Variants in ZSCAN30 observed in about 807,000 individuals in gnomAD.
ZSCAN30 encodes zinc finger and SCAN domain containing 30, also known as zinc finger and SCAN domain-containing protein 30.
In ZSCAN30, 37 loss-of-function variants were observed where a neutral mutation model predicts 44.3. The ratio of observed to expected loss-of-function variants is 0.84; its 90% CI spans 0.64 to 1.10. ZSCAN30 has a LOEUF of 1.10. Among genes scored for constraint, ZSCAN30 ranks in the 50% least tolerant of loss-of-function variants. The pLI is 0.00. For missense variants in ZSCAN30, 549 were observed against 582.6 expected (o/e 0.94, Z 0.59); for synonymous variants, 181 against 204.6 (o/e 0.88, Z 0.98).
At chr18:35,283,400 G>A (rs1009415096) in intron 1 of ZSCAN30, 2 of 152,294 alleles carry the variant, frequency 1.3e-5, no homozygotes, top group South Asian at 2.1e-4. Context: ...AGAAACCTCT[G>A]TGGCCAGTGG....
At chr18:35,274,926 T>A (rs987525543) in intron 1 of ZSCAN30, among the ~76,000 whole-genome samples, 8 of 152,222 alleles carry the variant, frequency 5.3e-5, no homozygotes, top group African/African-American at 1.9e-4. Flanking sequence ...GTTTTTAATT[T>A]TAATGTAGTC....
At chr18:35,255,753 T>G (rs558372186) in intron 3 of ZSCAN30, 1 of 154,494 alleles carries the variant, frequency 6.5e-6, no homozygotes, top group Admixed American at 6.5e-5. Flanking sequence ...TCCCCATTCC[T>G]TACCAGAAAT....
intron 1 of ZSCAN30, chr18:35,285,242 A>AAAAT (rs1423026072): frequency 1.3e-5 from 2 of 150,408 alleles, no homozygotes; most frequent in Non-Finnish European, 3.0e-5. Context: ...TGTGAGCTTC[A>AAAAT]AAATACATAA....
At chr18:35,267,957 G>A (rs897437262) in intron 1 of ZSCAN30, 1 of 152,250 alleles carries the variant, frequency 6.6e-6, no homozygotes, top group African/African-American at 2.4e-5. Flanking sequence ...GCCCACGAAT[G>A]CCGAGGACGC....
intron 1 of ZSCAN30, among the ~76,000 whole-genome samples, chr18:35,276,268 T>C (rs1334498799): frequency 1.3e-5 from 2 of 151,904 alleles, no homozygotes; most frequent in East Asian, 3.8e-4. Context: ...AGTGAAGCCC[T>C]TGGGGCCTGG....
chr18:35,257,133 C>A (rs1378192946), intron 3 of ZSCAN30: 1 of 152,248 alleles, frequency 6.6e-6, no homozygotes, highest in Non-Finnish European at 1.5e-5. Flanking sequence ...GGTGGCTCCT[C>A]AGTGAGTTCT....
chr18:35,258,379 T>G (rs779430068), intron 3 of ZSCAN30: 1 of 167,034 alleles, frequency 6.0e-6, no homozygotes, highest in Non-Finnish European at 1.3e-5. Context: ...AAATAAAAAG[T>G]TAAAAAATGT....
rs377693478 is a variant in ZSCAN30 at position 35,253,708 on chromosome 18, T to G, written c.1227A>C (p.Gly409=). Residue 409 remains glycine, a synonymous_variant, in exon 4 of 4, where the codon GGA becomes GGC. Transcript: ENST00000333206. The part of the protein sequence containing the change: ...ALIQHKKIHT[G]DKSYECIACG... ...ATGCAATACATTCATAGCTTTTATC[T>G]CCAGTGTGAATTTTCTTATGCTGAA... 3.5e-5 allele frequency: 56 copies of G among 1,613,996 alleles called. No homozygotes were observed. In the African/African-American group the frequency reaches 7.2e-4, roughly 21 times the overall value.
At chr18:35,286,758 T>C (rs2044559116) in intron 1 of ZSCAN30, among the ~76,000 whole-genome samples, 1 of 152,168 alleles carries the variant, frequency 6.6e-6, no homozygotes, top group Non-Finnish European at 1.5e-5. Context: ...TTTCTTCATT[T>C]CTACCGAACA....
At chr18:35,287,708 T>C (rs1289057365) in intron 1 of ZSCAN30, among the ~76,000 whole-genome samples, 1 of 152,120 alleles carries the variant, frequency 6.6e-6, no homozygotes, top group Non-Finnish European at 1.5e-5. Context: ...GGTGAACTTA[T>C]TTTAGGCAAA....
chr18:35,269,060 A>G (rs2044220267), intron 1 of ZSCAN30: 1 of 152,252 alleles, frequency 6.6e-6, no homozygotes, highest in Non-Finnish European at 1.5e-5. Context: ...TTTATGTCAG[A>G]TGACTCTGAC....
At chr18:35,277,072 T>C (rs2044378933) in intron 1 of ZSCAN30, among the ~76,000 whole-genome samples, 2 of 152,230 alleles carry the variant, frequency 1.3e-5, no homozygotes, top group South Asian at 4.1e-4. Flanking sequence ...ATTTGACTGC[T>C]CCAATGGATT....
At chr18:35,265,137 G>A (rs546081056) in intron 1 of ZSCAN30, among the ~76,000 whole-genome samples, 7 of 146,180 alleles carry the variant, frequency 4.8e-5, no homozygotes, top group Admixed American at 2.0e-4. Context: ...CAGAGACTCC[G>A]CCTCAGAAAA....
At chr18:35,288,233 A>G (rs2044588045) in intron 1 of ZSCAN30, among the ~76,000 whole-genome samples, 1 of 152,244 alleles carries the variant, frequency 6.6e-6, no homozygotes, top group Admixed American at 6.5e-5. Flanking sequence ...TTGTACAGAT[A>G]CTTCACCAAA....
At position 35,264,211 on chromosome 18, in the gene ZSCAN30, G is replaced by A. The variant is rs760061185; in HGVS notation, c.142C>T (p.Arg48Trp). 23 of 1,614,044 alleles carry A rather than the reference G, an allele frequency of 1.4e-5. 1 individual carries two copies. The highest frequency in any genetic ancestry group is 1.6e-4 in the Middle Eastern group (1 of 6,084). Residue 48 changes from arginine (R) to tryptophan (W), a missense_variant, in exon 2 of 4, where the codon CGG becomes TGG. Arg to Trp is a moderately radical substitution (Grantham distance 101). Transcript: ENST00000333206. ...QENPWSQEVF[R>W]QKFRQFSYSD... ...TAACTAAACTGCCTGAACTTCTGCC[G>A]GAATACCTCTTGGCTCCAGGGGTTT...
At chr18:35,288,907 A>G (rs2044600579) in intron 1 of ZSCAN30, among the ~76,000 whole-genome samples, 1 of 152,178 alleles carries the variant, frequency 6.6e-6, no homozygotes, top group Non-Finnish European at 1.5e-5. Flanking sequence ...TTATCAAATT[A>G]TATCCTTTAA....
intron 1 of ZSCAN30, chr18:35,283,807 C>T (rs1185907266): frequency 6.6e-6 from 1 of 152,338 alleles, no homozygotes; most frequent in East Asian, 1.9e-4. Flanking sequence ...TCTTTGCCTG[C>T]AATGTGGTGA....
intron 1 of ZSCAN30, among the ~76,000 whole-genome samples, chr18:35,265,256 T>C (rs1410337301): frequency 6.6e-6 from 1 of 152,202 alleles, no homozygotes; most frequent in Non-Finnish European, 1.5e-5. Context: ...TCTTTAGCTC[T>C]TTCTATTATG....
At chr18:35,281,155 T>A (rs1569083593) in intron 1 of ZSCAN30, 1 of 152,216 alleles carries the variant, frequency 6.6e-6, no homozygotes, top group African/African-American at 2.4e-5. Context: ...CCAAGTGAAA[T>A]GAGAAATAGA....
Sources: gnomAD v4.1 joint callset for allele counts (sites outside exome capture counted in the v4.1 genomes callset) on GRCh38, gnomAD v4.1.1 for gene constraint, MANE v1.5 for transcripts, NCBI Gene and HGNC (gene_info 2026-07-23, HGNC 2026-07-21) for gene names.